Variants in CYB5B observed in about 807,000 individuals in gnomAD.
The protein encoded by CYB5B is cytochrome b5 type B (outer mitochondrial membrane).
CYB5B carries 14 observed loss-of-function variants against 21.3 expected under a neutral mutation model. The ratio of observed to expected loss-of-function variants is 0.66; its 90% confidence interval spans 0.43 to 1.03. CYB5B has a LOEUF of 1.03. Ranked by LOEUF, CYB5B falls within the 50% of genes least tolerant of loss-of-function variation. The pLI, the probability that CYB5B is intolerant of heterozygous loss-of-function variation, is 0.00. For synonymous variants in CYB5B, 69 were observed against 68.4 expected (o/e 1.01, Z -0.04); for missense variants, 166 against 185.1 (o/e 0.90, Z 0.60).
chr16:69,435,641 A>C (rs1046215169), intron 1 of CYB5B, among the ~76,000 whole-genome samples: 1 of 152,040 alleles, frequency 6.6e-6, no homozygotes, highest in Non-Finnish European at 1.5e-5. Context: ...TTAATTAATT[A>C]ATTTATTTGT....
intron 1 of CYB5B, among the ~76,000 whole-genome samples, chr16:69,427,629 A>G (rs1001754296): frequency 6.6e-6 from 1 of 152,074 alleles, no homozygotes; most frequent in Middle Eastern, 3.4e-3. Flanking sequence ...TGATCCTTCT[A>G]TTTCAACCTC....
rs772987488 is a variant in CYB5B, at chr16:69,463,742, C to T, written c.*1222C>T. ...TTCCATTTCATCTGTATTTTATCTCCGTGACTCCAACTTGTGGGTTTGTTC... is the reference window on the plus strand; with the variant it reads ...TTCCATTTCATCTGTATTTTATCTCTGTGACTCCAACTTGTGGGTTTGTTC... On this transcript the variant is annotated 3_prime_UTR_variant, in exon 5 of 5. Transcript: ENST00000307892. 3.9e-5 allele frequency: 6 copies of T among 152,082 alleles called. No homozygotes were observed. Among genetic ancestry groups the T allele is most frequent in the Non-Finnish European group, 8.8e-5 (6 of 68,024 alleles). The allele number at this position is 152,082 out of a possible 1,614,324, so 9.4% of individuals were successfully genotyped here.
intron 2 of CYB5B, 118 bp downstream of exon 2, chr16:69,447,396 C>G: frequency 7.5e-7 from 1 of 1,338,050 alleles, no homozygotes; most frequent in Non-Finnish European, 1.0e-6. Context: ...CATCCCAGTA[C>G]TTTGGGATGC....
intron 1 of CYB5B, among the ~76,000 whole-genome samples, chr16:69,435,991 G>A (rs779732830): frequency 5.9e-5 from 9 of 152,198 alleles, no homozygotes; most frequent in Non-Finnish European, 8.8e-5. Flanking sequence ...GTTCCAAGTG[G>A]TTAGTTCTAG....
chr16:69,446,613 C>T (rs1348821143), intron 1 of CYB5B, among the ~76,000 whole-genome samples: 4 of 152,176 alleles, frequency 2.6e-5, no homozygotes, highest in Admixed American at 2.0e-4. Context: ...CATGAGCCAC[C>T]GTGCCTGGCC....
At chr16:69,459,269 C>T (rs2015010971) in intron 4 of CYB5B, 148 bp downstream of exon 4, 11 of 1,030,524 alleles carry the variant, frequency 1.1e-5, no homozygotes, top group African/African-American at 3.3e-5. Context: ...TCAGTTGTTC[C>T]TTGACATTAG....
chr16:69,433,049 C>T (rs1597279960), intron 1 of CYB5B, among the ~76,000 whole-genome samples: 1 of 152,294 alleles, frequency 6.6e-6, no homozygotes, highest in East Asian at 1.9e-4. Context: ...CCGCCTGCCT[C>T]AGCCTCCCAA....
chr16:69,446,304 C>G (rs1315972248), intron 1 of CYB5B, among the ~76,000 whole-genome samples: 1 of 152,084 alleles, frequency 6.6e-6, no homozygotes, highest in Non-Finnish European at 1.5e-5. Context: ...TGAGGCACTA[C>G]TTTATATAGT....
chr16:69,453,078 T>G (rs1365006695), intron 3 of CYB5B, among the ~76,000 whole-genome samples: 1 of 152,246 alleles, frequency 6.6e-6, no homozygotes, highest in Non-Finnish European at 1.5e-5. Context: ...TGATGACATT[T>G]GCTTTCGAAG....
chr16:69,446,410 C>G (rs1202643043), intron 1 of CYB5B, among the ~76,000 whole-genome samples: 16 of 152,166 alleles, frequency 1.1e-4, no homozygotes, highest in African/African-American at 3.9e-4. Context: ...TGCAACCTCC[C>G]CCTCACAGGT....
chr16:69,461,213 A>AAG (rs2015032917), intron 4 of CYB5B, among the ~76,000 whole-genome samples: 2 of 151,956 alleles, frequency 1.3e-5, no homozygotes, highest in South Asian at 4.2e-4. Flanking sequence ...AAAAAAAAAA[A>AAG]AAAGAAAGAA....
In CYB5B at chr16:69,461,760, A is replaced by G. The variant is rs937200189; in HGVS notation, c.363-670A>G. Among the ~76,000 whole-genome samples the G allele has an allele frequency of 2.0e-5, 3 of 152,176 alleles. No homozygotes were observed. The South Asian group carries it at 6.2e-4, about 32-fold the overall frequency. ...CTGTATATGCTTTGTGTGTATGTGT[A>G]TCCTTATTAGTGTCCAAACTTAACT... On this transcript the variant is annotated intron_variant, in intron 4 of 4. Coordinates refer to ENST00000307892, the MANE Select transcript of CYB5B (RefSeq NM_030579.3).
At chr16:69,454,371 T>TTTTA (rs1450886895) in intron 3 of CYB5B, among the ~76,000 whole-genome samples, 1 of 152,224 alleles carries the variant, frequency 6.6e-6, no homozygotes, top group Admixed American at 6.5e-5. Context: ...GACTTGAATA[T>TTTTA]TTTAGTACAT....
chr16:69,429,063 C>T (rs552580532), intron 1 of CYB5B, among the ~76,000 whole-genome samples: 14 of 152,224 alleles, frequency 9.2e-5, no homozygotes, highest in Middle Eastern at 3.4e-3. Flanking sequence ...GACTTAATGG[C>T]GTAATAGGAT....
chr16:69,433,980 C>T (rs559638232), intron 1 of CYB5B, among the ~76,000 whole-genome samples: 29 of 152,144 alleles, frequency 1.9e-4, no homozygotes, highest in Non-Finnish European at 4.1e-4. Context: ...TGCATCTAAA[C>T]ATAGAAAAGG....
At chr16:69,458,946 A>G in intron 3 of CYB5B, 147 bp from the exon 4 acceptor site, 1 of 657,476 alleles carries the variant, frequency 1.5e-6, no homozygotes, top group Non-Finnish European at 2.4e-6. Flanking sequence ...TTGCTTATAT[A>G]TTTGTAAACA....
chr16:69,430,635 A>G (rs2014696101), intron 1 of CYB5B, among the ~76,000 whole-genome samples: 1 of 152,142 alleles, frequency 6.6e-6, no homozygotes, highest in Non-Finnish European at 1.5e-5. Context: ...GTCATTTGTC[A>G]AAAGAGTAAC....
intron 3 of CYB5B, among the ~76,000 whole-genome samples, chr16:69,452,687 T>TA (rs1240303681): frequency 2.6e-5 from 4 of 151,778 alleles, no homozygotes; most frequent in African/African-American, 9.7e-5. Flanking sequence ...ATTTTTTTTT[T>TA]ATTCATCATT....
At chr16:69,430,146 GAAAATATC>G (rs1367239808) in intron 1 of CYB5B, among the ~76,000 whole-genome samples, 1 of 152,134 alleles carries the variant, frequency 6.6e-6, no homozygotes, top group Non-Finnish European at 1.5e-5. Context: ...GACATTGATA[GAAAATATC>G]AAAGTGCATC....
Sources: gnomAD v4.1 joint callset for allele counts (sites outside exome capture counted in the v4.1 genomes callset) on GRCh38, gnomAD v4.1.1 for gene constraint, MANE v1.5 for transcripts, NCBI Gene and HGNC (gene_info 2026-07-23, HGNC 2026-07-21) for gene names.